The following OGG1 variants were observed in gnomAD, a reference collection of about 807,000 sequenced individuals.
OGG1 encodes N-glycosylase/DNA lyase.
In OGG1, 35 loss-of-function variants were observed where a neutral mutation model predicts 42.3. The observed-to-expected ratio is 0.83, with a 90% CI of 0.63 to 1.10. OGG1 has a LOEUF of 1.10. Ranked by LOEUF, OGG1 falls within the 50% of genes least tolerant of loss-of-function variation. The pLI, the probability that OGG1 is intolerant of heterozygous loss-of-function variation, is 0.00. For missense variants in OGG1, 484 were observed against 446.7 expected (o/e 1.08, Z -0.75); for synonymous variants, 189 against 179.0 (o/e 1.06, Z -0.44).
downstream of OGG1, chr3:9,757,711 G>A: frequency 6.2e-7 from 1 of 1,614,008 alleles, no homozygotes; most frequent in Non-Finnish European, 8.5e-7. This position sits in a 1 kb window ranked among gnomAD's most constrained non-coding sequence, Gnocchi z 4.5. Flanking sequence ...ATGCCCTTCT[G>A]CAGAGCCCGC....
chr3:9,782,193 T>C (rs1423665017), intron 3 of OGG1, among the ~76,000 whole-genome samples: 1 of 152,172 alleles, frequency 6.6e-6, no homozygotes, highest in Non-Finnish European at 1.5e-5. Context: ...TTCCTCTCTC[T>C]CCCTCTGCTT....
chr3:9,783,955 C>T (rs1056467750), intron 3 of OGG1: 2 of 1,503,844 alleles, frequency 1.3e-6, no homozygotes, highest in African/African-American at 1.4e-5. Context: ...GTTGTAAAAC[C>T]CCTGAAAGGT....
chr3:9,783,958 T>C, intron 3 of OGG1: 2 of 1,521,864 alleles, frequency 1.3e-6, no homozygotes, highest in East Asian at 4.8e-5. Context: ...GTAAAACCCC[T>C]GAAAGGTGAC....
chr3:9,757,946 T>C, downstream of OGG1: 1 of 1,503,944 alleles, frequency 6.6e-7, no homozygotes, highest in Non-Finnish European at 8.9e-7. This position sits in a 1 kb window ranked among gnomAD's most constrained non-coding sequence, Gnocchi z 4.5. Flanking sequence ...TGTTCTGTTA[T>C]TTTCATTCAG....
chr3:9,775,807 G>A (rs1424802408), intron 2 of OGG1, among the ~76,000 whole-genome samples: 1 of 151,702 alleles, frequency 6.6e-6, no homozygotes, highest in Non-Finnish European at 1.5e-5. Context: ...GCCTGGCTAC[G>A]TTTTGTATTT....
chr3:9,785,082 C>G (rs946465237), intron 3 of OGG1, among the ~76,000 whole-genome samples: 7 of 152,178 alleles, frequency 4.6e-5, no homozygotes, highest in African/African-American at 1.7e-4. Context: ...GCCAACCATT[C>G]CCCTTCAGCA....
chr3:9,761,412 G>GAGAGGACAACTCTGGAGCC (rs753090515), downstream of OGG1: 1 of 1,562,558 alleles, frequency 6.4e-7, no homozygotes, highest in Admixed American at 1.8e-5. Flanking sequence ...GAAAGTAGGC[G>GAGAGGACAACTCTGGAGCC]AGAGGACAAC....
chr3:9,788,987 C>G (rs1190942757), downstream of OGG1, among the ~76,000 whole-genome samples: 1 of 152,134 alleles, frequency 6.6e-6, no homozygotes, highest in African/African-American at 2.4e-5. Context: ...AGGCGCACAC[C>G]GCCATGCCTG....
At chr3:9,774,327 T>C (rs950159861) in intron 2 of OGG1, among the ~76,000 whole-genome samples, 3 of 150,826 alleles carry the variant, frequency 2.0e-5, no homozygotes, top group African/African-American at 7.4e-5. Context: ...GAGAATCACT[T>C]GAACCTGGTA....
At chr3:9,756,400 T>C (rs2077561417) in intron 4 of OGG1, 71 bp from the exon 5 acceptor site, 2 of 1,535,284 alleles carry the variant, frequency 1.3e-6, no homozygotes, top group Non-Finnish European at 1.8e-6. Flanking sequence ...CAGCCGGCTT[T>C]GGGGCTATAA....
chr3:9,760,913 CTG>C, downstream of OGG1: 1 of 1,235,400 alleles, frequency 8.1e-7, no homozygotes. Context: ...CTGCTCACTC[CTG>C]TTCTAGCTAC....
At chr3:9,778,103 A>G (rs1274239571) in intron 2 of OGG1, among the ~76,000 whole-genome samples, 5 of 152,218 alleles carry the variant, frequency 3.3e-5, no homozygotes, top group Admixed American at 6.5e-5. Context: ...ATGGGATGTT[A>G]TTATGGGGTA....
At chr3:9,780,707 T>A (rs552242150) in intron 2 of OGG1, among the ~76,000 whole-genome samples, 4 of 152,340 alleles carry the variant, frequency 2.6e-5, no homozygotes, top group South Asian at 4.1e-4. Context: ...TACACTTACA[T>A]GGCACTATCT....
chr3:9,779,073 A>G (rs1343507743), intron 2 of OGG1, among the ~76,000 whole-genome samples: 1 of 151,700 alleles, frequency 6.6e-6, no homozygotes, highest in Non-Finnish European at 1.5e-5. Context: ...ATATTTATTC[A>G]TCTGTGTCCC....
At chr3:9,789,404 A>G, downstream of OGG1, 1 of 1,024,918 alleles carries the variant, frequency 9.8e-7, no homozygotes, top group African/African-American at 1.6e-5. Flanking sequence ...CAGACTGGGC[A>G]GGGTTGGGGA....
chr3:9,751,049 A>C lies in OGG1; in HGVS notation c.242A>C (p.Asp81Ala). Residue 81 changes from aspartate (D) to alanine (A), a missense_variant, in exon 2 of 7, where the codon GAC (aspartate) becomes GCC (alanine). Asp to Ala is a moderately radical substitution (Grantham distance 126). Coordinates refer to ENST00000344629, the MANE Select transcript of OGG1 (RefSeq NM_002542.6). ...CTCCACTGCACTGTGTACCGAGGAG[A>C]CAAGAGCCAGGCTAGCAGGCCCACA... ...EQLHCTVYRG[D>A]KSQASRPTPD... The C allele has an allele frequency of 6.2e-7, 1 of 1,613,856 alleles. No homozygotes were observed.
At chr3:9,759,822 A>C (rs752809610), downstream of OGG1, 2 of 1,611,960 alleles carry the variant, frequency 1.2e-6, no homozygotes, top group East Asian at 2.2e-5. Context: ...GAGCATACCC[A>C]CTCCCTCAGG....
chr3:9,784,550 C>T (rs796107605), intron 3 of OGG1, among the ~76,000 whole-genome samples: 7 of 151,612 alleles, frequency 4.6e-5, no homozygotes, highest in Middle Eastern at 3.4e-3. Context: ...GGTTTTTTCC[C>T]TTATGTGCAC....
At chr3:9,787,315 G>C (rs763259981) in intron 3 of OGG1, 16 of 1,613,454 alleles carry the variant, frequency 9.9e-6, no homozygotes, top group Non-Finnish European at 1.2e-5. Flanking sequence ...CCAGCGCTGG[G>C]AGTAGTGCTT....
Sources: allele counts gnomAD v4.1 joint callset (sites outside exome capture counted in the v4.1 genomes callset), GRCh38; gene constraint gnomAD v4.1.1; non-coding constraint Gnocchi (gnomAD v3.1); transcripts MANE v1.5; gene names NCBI Gene and HGNC (gene_info 2026-07-23, HGNC 2026-07-21).